The following INSYN2A variants were observed in gnomAD, a reference collection of about 807,000 sequenced individuals.
INSYN2A encodes the protein family with sequence similarity 196 member A.
Under a neutral mutation model 39.4 loss-of-function variants are expected in INSYN2A, and 17 were observed. The observed-to-expected ratio is 0.43, with a 90% CI of 0.30 to 0.65. The LOEUF (loss-of-function observed/expected upper bound fraction) is 0.65. INSYN2A is among the 30% of genes least tolerant of loss of function. INSYN2A has a pLI of 0.14. For missense variants in INSYN2A, 595 were observed against 631.2 expected, an observed-to-expected ratio of 0.94 and a Z score of 0.61; for synonymous variants, 255 against 265.7, an observed-to-expected ratio of 0.96 and a Z score of 0.39.
At position 127,175,341 on chromosome 10, in the gene INSYN2A, T is replaced by G; in HGVS notation, c.1055A>C (p.His352Pro). Residue 352 changes from histidine to proline, a missense_variant, in exon 4 of 6, where the codon CAT becomes CCT. By Grantham distance (77) the His-to-Pro change is moderately conservative (BLOSUM62 -2). Around this residue, in one of 2 missense-constraint regions of INSYN2A, gnomAD observed 117 missense variants for 163.8 expected, o/e 0.71. Transcript: ENST00000522781. The surrounding 1 kb of genome is among the most constrained non-coding windows in gnomAD (Gnocchi z 6.3). ...TGCTTTGAGGTCGACCACTTCCGTA[T>G]GAGGCACGATTCGTTGGCATTCTTC... is the stretch of plus-strand genomic sequence containing the variant. ...AGEECQRIVP[H>P]TEVVDLKAQL... 1.2e-6 allele frequency: 2 copies of G among 1,614,134 alleles called. No homozygotes were observed. Among genetic ancestry groups the G allele is most frequent in the Non-Finnish European group, 1.7e-6 (2 of 1,180,030 alleles).
chr10:127,168,284 G>T (rs1278078520), intron 4 of INSYN2A, among the ~76,000 whole-genome samples: 1 of 152,224 alleles, frequency 6.6e-6, no homozygotes, highest in African/African-American at 2.4e-5. Context: ...TATGATAAAT[G>T]TGGAGAGAGA....
intron 1 of INSYN2A, 114 bp downstream of exon 1, chr10:127,195,883 G>A (rs2057096855): frequency 6.6e-6 from 1 of 152,252 alleles, no homozygotes; most frequent in African/African-American, 2.4e-5. Context: ...GCCGGTTTGG[G>A]GCCGAGTGTG....
At chr10:127,171,160 T>A (rs554435206) in intron 4 of INSYN2A, among the ~76,000 whole-genome samples, 31 of 152,190 alleles carry the variant, frequency 2.0e-4, no homozygotes, top group African/African-American at 7.5e-4. Context: ...CCATAAACAT[T>A]CTCTGCCGAA....
In INSYN2A at chr10:127,175,625, G is replaced by A. The variant is rs369909713; in HGVS notation, c.771C>T (p.Tyr257=). The A allele has an allele frequency of 2.3e-5, 37 of 1,612,934 alleles. No homozygotes were observed. The African/African-American group carries it at 3.2e-4, about 14-fold the overall frequency. Residue 257 remains tyrosine, a synonymous_variant, in exon 4 of 6, where the codon TAC becomes TAT. Transcript: ENST00000522781. The surrounding 1 kb of genome is among the most constrained non-coding windows in gnomAD (Gnocchi z 6.3). ...RVFKTEVATV[Y]APALSARAPE... is the part of the protein sequence containing the mutation. ...GGGCCCTGGCACTGAGGGCAGGTGCGTAAACGGTGGCAACCTCCGTTTTAA... is the reference window on the plus strand; with the variant it reads ...GGGCCCTGGCACTGAGGGCAGGTGCATAAACGGTGGCAACCTCCGTTTTAA...
chr10:127,175,736 G>T lies in INSYN2A; in HGVS notation c.660C>A (p.Pro220=). 6.2e-7 allele frequency: 1 copy of T among 1,613,994 alleles called. No individual in the cohort carries two copies. Among genetic ancestry groups the T allele is most frequent in the Non-Finnish European group, 8.5e-7 (1 of 1,180,020 alleles). The change falls in exon 4 of 6, where the codon CCC becomes CCA. Residue 220 remains proline (P), a synonymous_variant. Coordinates refer to ENST00000522781, the MANE Select transcript of INSYN2A (RefSeq NM_001039762.3). The surrounding 1 kb of genome is among the most constrained non-coding windows in gnomAD (Gnocchi z 6.3). ...QNSTRPPSEE[P]DYQLLGRAKQ... ...TGGCCCTCCCGAGCAGCTGGTAATC[G>T]GGCTCTTCGGATGGAGGCCGAGTGG...
At chr10:127,189,816 G>A (rs1327611448) in intron 2 of INSYN2A, among the ~76,000 whole-genome samples, 5 of 152,074 alleles carry the variant, frequency 3.3e-5, no homozygotes, top group Admixed American at 1.3e-4. Context: ...TGTGATTTAC[G>A]CAAGGAAAAA....
intron 2 of INSYN2A, among the ~76,000 whole-genome samples, chr10:127,184,875 C>T (rs145059323): frequency 6.6e-6 from 1 of 152,300 alleles, no homozygotes; most frequent in African/African-American, 2.4e-5. Context: ...CCTTCATTTA[C>T]TCACTGAACA....
intron 2 of INSYN2A, among the ~76,000 whole-genome samples, chr10:127,180,122 G>A (rs1338965119): frequency 6.6e-6 from 1 of 152,206 alleles, no homozygotes; most frequent in Non-Finnish European, 1.5e-5. Flanking sequence ...AGTGATCCAT[G>A]ATAAACTTGA....
At chr10:127,173,820 T>A (rs1306773794) in intron 4 of INSYN2A, among the ~76,000 whole-genome samples, 1 of 152,214 alleles carries the variant, frequency 6.6e-6, no homozygotes, top group African/African-American at 2.4e-5. Context: ...AACCCAAGAT[T>A]GAACAAGGCC....
chr10:127,140,604 G>GCACACCAAGTCTCTCGGTTGAGTTTGA (rs1021786220), intron 5 of INSYN2A, among the ~76,000 whole-genome samples: 1 of 68,134 alleles, frequency 1.5e-5, no homozygotes, highest in Non-Finnish European at 4.2e-5. Context: ...TCTTGGGGAA[G>GCACACCAAGTCTCTCGGTTGAGTTTGA]CACACCAAGT....
chr10:127,186,081 G>T (rs1443879943), intron 2 of INSYN2A, among the ~76,000 whole-genome samples: 1 of 152,162 alleles, frequency 6.6e-6, no homozygotes, highest in Non-Finnish European at 1.5e-5. Context: ...AAACTCAGTT[G>T]TCTAATCTGC....
chr10:127,191,586 A>T (rs1378944070), intron 2 of INSYN2A, among the ~76,000 whole-genome samples: 1 of 152,224 alleles, frequency 6.6e-6, no homozygotes, highest in Admixed American at 6.5e-5. Context: ...AAAGATTTTT[A>T]AAAACATGAA....
intron 4 of INSYN2A, among the ~76,000 whole-genome samples, chr10:127,166,901 G>A (rs918217632): frequency 6.6e-6 from 1 of 151,734 alleles, no homozygotes; most frequent in African/African-American, 2.4e-5. Flanking sequence ...TCGGTGGTGA[G>A]GCTTTTATTC....
At chr10:127,156,962 T>C (rs2053146286) in intron 4 of INSYN2A, among the ~76,000 whole-genome samples, 1 of 152,190 alleles carries the variant, frequency 6.6e-6, no homozygotes, top group Non-Finnish European at 1.5e-5. Flanking sequence ...AGTAAGCAAA[T>C]AGTTATTAAG....
At chr10:127,186,126 A>G (rs2056209726) in intron 2 of INSYN2A, among the ~76,000 whole-genome samples, 1 of 152,196 alleles carries the variant, frequency 6.6e-6, no homozygotes, top group Admixed American at 6.5e-5. Context: ...CAGAGGGAAA[A>G]AAACAATAGA....
chr10:127,142,671 T>A (rs2051379069), intron 5 of INSYN2A, among the ~76,000 whole-genome samples: 1 of 152,178 alleles, frequency 6.6e-6, no homozygotes, highest in Non-Finnish European at 1.5e-5. Context: ...TCCTGGGGAC[T>A]GTAGGGATTT....
rs555201147 is a variant in INSYN2A, at chr10:127,135,975, G to C, written c.*1862C>G. 7.9e-5 allele frequency: 12 copies of C among 152,722 alleles called. No individual in the cohort carries two copies. Among genetic ancestry groups the C allele is most frequent in the African/African-American group, 2.9e-4 (12 of 41,558 alleles). 9.5% of individuals were successfully genotyped at this position (152,722 alleles called of 1,614,324 possible). ...CCATTTTTAAATATTTAGTCTACGT[G>C]AAACAGTTACACTTCCTTCATGTTA... On this transcript the variant is annotated 3_prime_UTR_variant, in exon 6 of 6. Coordinates refer to ENST00000522781, the MANE Select transcript of INSYN2A (RefSeq NM_001039762.3).
At chr10:127,156,526 TTTTC>T (rs1354379646) in intron 4 of INSYN2A, among the ~76,000 whole-genome samples, 1 of 150,254 alleles carries the variant, frequency 6.7e-6, no homozygotes, top group African/African-American at 2.5e-5. Flanking sequence ...TTTACTTTTC[TTTTC>T]TCTTTTTCTT....
chr10:127,148,062 C>T (rs2060534291), intron 5 of INSYN2A, among the ~76,000 whole-genome samples: 1 of 149,088 alleles, frequency 6.7e-6, no homozygotes, highest in South Asian at 2.1e-4. Flanking sequence ...AAAAAAAATT[C>T]CACCTGTCCT....
Sources: gnomAD v4.1 joint callset for allele counts (sites outside exome capture counted in the v4.1 genomes callset) on GRCh38, gnomAD v4.1.1 for gene constraint, gnomAD v4.1.1 regional missense constraint, Gnocchi (gnomAD v3.1) non-coding constraint, MANE v1.5 for transcripts, NCBI Gene and HGNC (gene_info 2026-07-23, HGNC 2026-07-21) for gene names.